Variants in CTNNA3 observed in about 807,000 individuals in gnomAD.
CTNNA3 encodes the protein catenin alpha-3.
CTNNA3 carries 76 observed loss-of-function variants against 95.7 expected under a neutral mutation model. The observed-to-expected ratio is 0.79, with a 90% CI of 0.66 to 0.96. CTNNA3 has a LOEUF of 0.96. Ranked by LOEUF, CTNNA3 falls within the 40% of genes least tolerant of loss-of-function variation. The pLI is 0.00. For missense variants in CTNNA3, 1,191 were observed against 1,089.8 expected (o/e 1.09, Z -1.31); for synonymous variants, 431 against 374.4 (o/e 1.15, Z -1.74).
At chr10:67,726,243 A>C (rs1201296992) in intron 1 of CTNNA3, among the ~76,000 whole-genome samples, 2 of 92,334 alleles carry the variant, frequency 2.2e-5, no homozygotes, top group African/African-American at 9.2e-5. Context: ...TATATTATAT[A>C]TTATATATAA....
intron 5 of CTNNA3, among the ~76,000 whole-genome samples, chr10:67,447,951 G>A (rs914088081): frequency 1.3e-5 from 2 of 152,196 alleles, no homozygotes; most frequent in African/African-American, 2.4e-5. Flanking sequence ...CAAATAAAGT[G>A]CTATTAGAAT....
chr10:67,701,280 C>A (rs879288314), intron 1 of CTNNA3, among the ~76,000 whole-genome samples: 6 of 152,082 alleles, frequency 3.9e-5, no homozygotes, highest in African/African-American at 7.2e-5. Context: ...GAGAATGTCA[C>A]AAAGATACTC....
At chr10:67,424,143 G>A (rs983430708) in intron 5 of CTNNA3, among the ~76,000 whole-genome samples, 3 of 152,246 alleles carry the variant, frequency 2.0e-5, no homozygotes, top group African/African-American at 7.2e-5. Flanking sequence ...ATCTGTAGGT[G>A]TGCGACTGAT....
intron 7 of CTNNA3, among the ~76,000 whole-genome samples, chr10:66,809,090 A>G (rs1841773989): frequency 6.6e-6 from 1 of 152,178 alleles, no homozygotes. Context: ...TGGAACTTGC[A>G]TAACCCTTCT....
At chr10:66,597,548 ATATATATT>A (rs1208457295) in intron 10 of CTNNA3, among the ~76,000 whole-genome samples, 1 of 128,348 alleles carries the variant, frequency 7.8e-6, no homozygotes, top group African/African-American at 3.0e-5. Context: ...ATATATATAT[ATATATATT>A]TATTAAAAAT....
chr10:66,117,252 T>A (rs571500377), intron 13 of CTNNA3, among the ~76,000 whole-genome samples: 9 of 152,294 alleles, frequency 5.9e-5, no homozygotes, highest in Admixed American at 5.9e-4. Flanking sequence ...AAATGTGCAT[T>A]TTATTAAATG....
At chr10:65,934,407 C>T (rs778830444) in intron 17 of CTNNA3, among the ~76,000 whole-genome samples, 1 of 152,062 alleles carries the variant, frequency 6.6e-6, no homozygotes, top group Non-Finnish European at 1.5e-5. Flanking sequence ...GCTGTGGGCA[C>T]TCGGTGTAGC....
intron 9 of CTNNA3, among the ~76,000 whole-genome samples, chr10:66,742,387 G>A (rs902526840): frequency 1.1e-4 from 17 of 152,180 alleles, no homozygotes; most frequent in Admixed American, 4.6e-4. Context: ...ATGCATGCCC[G>A]AAACTTCATT....
chr10:66,474,913 G>T (rs1406226753), intron 11 of CTNNA3, among the ~76,000 whole-genome samples: 1 of 151,824 alleles, frequency 6.6e-6, no homozygotes, highest in African/African-American at 2.4e-5. Flanking sequence ...GTTTTGTTTT[G>T]CTTTGTTTTT....
chr10:66,847,693 C>G (rs1452539019), intron 7 of CTNNA3, among the ~76,000 whole-genome samples: 1 of 151,918 alleles, frequency 6.6e-6, no homozygotes, highest in East Asian at 1.9e-4. Flanking sequence ...TACCTTAGTG[C>G]AAAATGGTAC....
intron 2 of CTNNA3, among the ~76,000 whole-genome samples, chr10:67,640,575 G>A (rs56010502): frequency 0.13 from 20,188 of 152,068 alleles, 2,407 homozygotes; most frequent in African/African-American, 0.32. Context: ...GAACAAAGCT[G>A]GAGGCATCAC....
intron 7 of CTNNA3, among the ~76,000 whole-genome samples, chr10:66,845,715 A>AAAACAAAAAAC (rs1554862164): frequency 1.5e-5 from 1 of 68,692 alleles, no homozygotes. Context: ...AAAAAAAAAA[A>AAAACAAAAAAC]AAAAAAAAAA....
At chr10:66,008,610 G>C (rs1354617488) in intron 15 of CTNNA3, among the ~76,000 whole-genome samples, 2 of 152,060 alleles carry the variant, frequency 1.3e-5, no homozygotes. Context: ...ATACGTCTAT[G>C]TTTCTTTATG....
At chr10:66,407,053 A>G (rs1419579641) in intron 11 of CTNNA3, among the ~76,000 whole-genome samples, 1 of 152,146 alleles carries the variant, frequency 6.6e-6, no homozygotes, top group Admixed American at 6.6e-5. Context: ...TCTGATACTA[A>G]TAAATGCCTA....
chr10:67,383,003 A>G (rs1589236011), intron 5 of CTNNA3, among the ~76,000 whole-genome samples: 1 of 152,272 alleles, frequency 6.6e-6, no homozygotes. Context: ...TCACATTTCA[A>G]CACAGGATTT....
intron 3 of CTNNA3, among the ~76,000 whole-genome samples, chr10:67,583,269 C>G (rs748520850): frequency 6.6e-6 from 1 of 152,172 alleles, no homozygotes; most frequent in Non-Finnish European, 1.5e-5. Context: ...GACAAAATCT[C>G]TCAGCATTTG....
At chr10:66,319,605 C>T (rs2092153908) in intron 12 of CTNNA3, among the ~76,000 whole-genome samples, 1 of 152,076 alleles carries the variant, frequency 6.6e-6, no homozygotes, top group Admixed American at 6.5e-5. Flanking sequence ...CAGGGAAAAT[C>T]TAAAAGAATC....
At chr10:67,448,225 G>A (rs2132952639) in intron 5 of CTNNA3, among the ~76,000 whole-genome samples, 1 of 152,236 alleles carries the variant, frequency 6.6e-6, no homozygotes, top group East Asian at 1.9e-4. Flanking sequence ...TTTTAATAAT[G>A]AAAAGTGAAA....
chr10:67,631,966 C>T (rs540906574), intron 2 of CTNNA3, among the ~76,000 whole-genome samples: 29 of 151,964 alleles, frequency 1.9e-4, no homozygotes, highest in Middle Eastern at 3.4e-3. Context: ...CAGGTGCTAG[C>T]GAATTGGGGA....
Sources: gnomAD v4.1 joint callset for allele counts (sites outside exome capture counted in the v4.1 genomes callset) on GRCh38, gnomAD v4.1.1 for gene constraint, MANE v1.5 for transcripts, NCBI Gene and HGNC (gene_info 2026-07-23, HGNC 2026-07-21) for gene names.